Variants in NRG3 observed in about 807,000 individuals in gnomAD.
The protein encoded by NRG3 is pro-neuregulin-3, membrane-bound isoform.
A neutral mutation model predicts 66.9 loss-of-function variants in NRG3; 31 were observed. The ratio of observed to expected loss-of-function variants is 0.46; its 90% CI spans 0.35 to 0.63. The LOEUF is 0.63. Among genes scored for constraint, NRG3 ranks in the 20% least tolerant of loss-of-function variants. The pLI, the probability that NRG3 is intolerant of heterozygous loss-of-function variation, is 0.00. For synonymous variants in NRG3, 393 were observed against 359.4 expected (o/e 1.09, Z -1.06); for missense variants, 910 against 878.9 (o/e 1.04, Z -0.45).
intron 1 of NRG3, among the ~76,000 whole-genome samples, chr10:81,931,328 A>G (rs10883938): frequency 2.0e-5 from 3 of 151,950 alleles, no homozygotes; most frequent in Admixed American, 2.0e-4. Context: ...ATTACCTGGG[A>G]AATTCCAAGG....
intron 4 of NRG3, among the ~76,000 whole-genome samples, chr10:82,946,320 CA>C (rs1164046554): frequency 1.3e-5 from 2 of 151,540 alleles, no homozygotes; most frequent in Non-Finnish European, 2.9e-5. Flanking sequence ...GTGGGTGGAT[CA>C]CAAGGTCAAG....
chr10:82,156,603 T>TA (rs1400282558), intron 1 of NRG3, among the ~76,000 whole-genome samples: 8 of 151,286 alleles, frequency 5.3e-5, no homozygotes, highest in African/African-American at 1.5e-4. Flanking sequence ...AGGATGTCTG[T>TA]AAAAAAAAGA....
intron 1 of NRG3, among the ~76,000 whole-genome samples, chr10:82,028,072 G>C (rs2062397801): frequency 6.6e-6 from 1 of 152,134 alleles, no homozygotes; most frequent in South Asian, 2.1e-4. Flanking sequence ...ATGAGTAGTA[G>C]TAAGTAGAAT....
chr10:82,960,588 C>G (rs1409188181), intron 6 of NRG3, among the ~76,000 whole-genome samples: 1 of 151,978 alleles, frequency 6.6e-6, no homozygotes, highest in African/African-American at 2.4e-5. Context: ...CCCCTGTGAC[C>G]TGCACGTGCA....
intron 2 of NRG3, among the ~76,000 whole-genome samples, chr10:82,398,185 C>A (rs2136024119): frequency 6.6e-6 from 1 of 152,188 alleles, no homozygotes; most frequent in African/African-American, 2.4e-5. Flanking sequence ...GTGGGAAAGC[C>A]AAGGCCAGAC....
chr10:82,685,155 C>T (rs2054419900), intron 2 of NRG3, among the ~76,000 whole-genome samples: 1 of 152,054 alleles, frequency 6.6e-6, no homozygotes, highest in Admixed American at 6.5e-5. Flanking sequence ...CAAAACTTAA[C>T]CACACCCTCA....
At chr10:81,937,724 T>C (rs1344364674) in intron 1 of NRG3, among the ~76,000 whole-genome samples, 1 of 152,136 alleles carries the variant, frequency 6.6e-6, no homozygotes, top group African/African-American at 2.4e-5. Flanking sequence ...TTGACTGCTT[T>C]CCTGTGCAGA....
chr10:82,619,202 GA>G (rs2048869992), intron 2 of NRG3, among the ~76,000 whole-genome samples: 1 of 152,028 alleles, frequency 6.6e-6, no homozygotes, highest in Non-Finnish European at 1.5e-5. Flanking sequence ...TTAGGAAAAA[GA>G]AAATGCAGTG....
intron 2 of NRG3, among the ~76,000 whole-genome samples, chr10:82,444,015 A>G (rs1356357500): frequency 6.6e-6 from 1 of 152,208 alleles, no homozygotes; most frequent in African/African-American, 2.4e-5. Flanking sequence ...CTAATAAATG[A>G]AAGAAGAAAT....
chr10:82,887,810 T>C (rs544711), intron 4 of NRG3, among the ~76,000 whole-genome samples: 91,801 of 152,012 alleles, frequency 0.6, 27,962 homozygotes, highest in East Asian at 0.69. Context: ...TTAAGGGGAT[T>C]AATGAATATA....
intron 2 of NRG3, among the ~76,000 whole-genome samples, chr10:82,526,471 CTGTTTA>C (rs1846708842): frequency 6.6e-6 from 1 of 151,532 alleles, no homozygotes; most frequent in Non-Finnish European, 1.5e-5. Flanking sequence ...CATGTATATT[CTGTTTA>C]TAAGATATAT....
intron 1 of NRG3, chr10:82,225,348 C>T (rs1302173275): frequency 6.6e-6 from 1 of 152,162 alleles, no homozygotes; most frequent in Non-Finnish European, 1.5e-5. Flanking sequence ...TAGACACTGA[C>T]ATATAATAGG....
intron 1 of NRG3, among the ~76,000 whole-genome samples, chr10:82,213,234 T>C (rs1247944175): frequency 6.6e-6 from 1 of 152,002 alleles, no homozygotes; most frequent in Non-Finnish European, 1.5e-5. Context: ...ATTTGAGGAG[T>C]AGAAAAGAAT....
At chr10:82,465,819 A>G (rs1345387457) in intron 2 of NRG3, among the ~76,000 whole-genome samples, 1 of 152,152 alleles carries the variant, frequency 6.6e-6, no homozygotes, top group South Asian at 2.1e-4. Context: ...GCCTTTTTCA[A>G]TACCTTTAAA....
chr10:82,138,670 A>C (rs866829449), intron 1 of NRG3, among the ~76,000 whole-genome samples: 5 of 152,264 alleles, frequency 3.3e-5, no homozygotes, highest in Middle Eastern at 3.4e-3. Flanking sequence ...AATCAGCGCG[A>C]GTACCAAAAC....
At chr10:82,413,194 G>A (rs752082496) in intron 2 of NRG3, among the ~76,000 whole-genome samples, 20 of 152,236 alleles carry the variant, frequency 1.3e-4, no homozygotes, top group Non-Finnish European at 2.5e-4. Flanking sequence ...AGGGCCTTAT[G>A]AAACGTATTT....
chr10:82,575,766 G>A (rs895780430), intron 2 of NRG3, among the ~76,000 whole-genome samples: 1 of 151,640 alleles, frequency 6.6e-6, no homozygotes, highest in Non-Finnish European at 1.5e-5. Context: ...AGAAGAATTG[G>A]GTCTTGTTTT....
At chr10:82,366,135 C>T (rs1432979786) in intron 2 of NRG3, among the ~76,000 whole-genome samples, 1 of 152,042 alleles carries the variant, frequency 6.6e-6, no homozygotes, top group Non-Finnish European at 1.5e-5. Flanking sequence ...TTAATCAGAA[C>T]CTTCAATATT....
chr10:82,301,685 C>CATATATATATATATATATATATATAT (rs2080410141), intron 1 of NRG3, among the ~76,000 whole-genome samples: 1 of 86,872 alleles, frequency 1.2e-5, no homozygotes, highest in African/African-American at 4.6e-5. Context: ...CACATATATT[C>CATATATATATATATATATATATATAT]CTATATATAT....
Sources: allele counts gnomAD v4.1 joint callset (sites outside exome capture counted in the v4.1 genomes callset), GRCh38; gene constraint gnomAD v4.1.1; transcripts MANE v1.5; gene names NCBI Gene and HGNC (gene_info 2026-07-23, HGNC 2026-07-21).